The following ANO3 variants were observed in gnomAD, a reference collection of about 807,000 sequenced individuals.
The protein encoded by ANO3 is anoctamin-3.
ANO3 carries 99 observed loss-of-function variants against 144.8 expected under a neutral mutation model. The ratio of observed to expected loss-of-function variants is 0.68; its 90% CI spans 0.58 to 0.81. ANO3 has a LOEUF of 0.81. Among genes scored for constraint, ANO3 ranks in the 30% least tolerant of loss-of-function variants. The pLI is 0.00. For synonymous variants in ANO3, 414 were observed against 392.6 expected, an observed-to-expected ratio of 1.05 and a Z score of -0.64; for missense variants, 905 against 1,202.2, an observed-to-expected ratio of 0.75 and a Z score of 3.66.
chr11:26,367,096 A>G (rs546245786), intron 1 of ANO3, among the ~76,000 whole-genome samples: 3 of 152,344 alleles, frequency 2.0e-5, no homozygotes. Context: ...CACCTTATAC[A>G]AAAATTAATT....
chr11:26,633,481 C>G (rs567354603), intron 18 of ANO3, among the ~76,000 whole-genome samples: 1 of 152,258 alleles, frequency 6.6e-6, no homozygotes, highest in Admixed American at 6.5e-5. Flanking sequence ...CTTTGCCATT[C>G]CACTTCCGTC....
At chr11:26,479,671 G>A (rs1015952997) in intron 4 of ANO3, among the ~76,000 whole-genome samples, 2 of 152,142 alleles carry the variant, frequency 1.3e-5, no homozygotes, top group East Asian at 3.9e-4. Context: ...TACAATTCAA[G>A]ATGAGATTCA....
intron 4 of ANO3, among the ~76,000 whole-genome samples, chr11:26,474,438 C>A (rs1859887736): frequency 6.6e-6 from 1 of 151,672 alleles, no homozygotes; most frequent in South Asian, 2.1e-4. Context: ...TATTCAAAAA[C>A]ATAAAATATA....
intron 7 of ANO3, among the ~76,000 whole-genome samples, chr11:26,526,929 T>G (rs1410948169): frequency 1.3e-5 from 2 of 152,144 alleles, no homozygotes; most frequent in Non-Finnish European, 2.9e-5. Context: ...ATTTGCAAGT[T>G]TACAACTGCA....
At chr11:26,572,382 A>G (rs2134292978) in intron 14 of ANO3, 1 of 340,260 alleles carries the variant, frequency 2.9e-6, no homozygotes, top group South Asian at 1.2e-4. Flanking sequence ...GTAGCAAAAC[A>G]CGGGTCATCA....
intron 14 of ANO3, 102 bp from the exon 15 acceptor site, chr11:26,598,263 T>C (rs1445619596): frequency 3.0e-5 from 15 of 502,764 alleles, no homozygotes; most frequent in Non-Finnish European, 4.8e-5. Context: ...ATTTATTATT[T>C]TCATAATTTA....
intron 14 of ANO3, among the ~76,000 whole-genome samples, chr11:26,561,782 T>G (rs1056563191): frequency 6.6e-6 from 1 of 152,004 alleles, no homozygotes; most frequent in African/African-American, 2.4e-5. Flanking sequence ...ATGTGGAAAT[T>G]TAGTTTTCTT....
intron 1 of ANO3, among the ~76,000 whole-genome samples, chr11:26,214,907 T>C (rs948709158): frequency 5.9e-5 from 9 of 152,000 alleles, no homozygotes; most frequent in Admixed American, 5.9e-4. Flanking sequence ...CTTAACAGTT[T>C]TGAGTACAGG....
At position 26,463,158 on chromosome 11, in the gene ANO3, A is replaced by G. The variant is rs1282878061; in HGVS notation, c.432+10A>G. ...GACAAAATTATCTAAGGTAATGAGA[A>G]CTAAATTATCAATAAGTCATTTTTA... On this transcript the variant is annotated intron_variant, in intron 4 of 26. Coordinates refer to ENST00000256737, the MANE Select transcript of ANO3 (RefSeq NM_031418.4). The G allele has an allele frequency of 7.3e-7, 1 of 1,364,810 alleles. No homozygotes were observed. The allele number at this position is 1,364,810 out of a possible 1,614,324, so 84.5% of individuals were successfully genotyped here.
intron 1 of ANO3, among the ~76,000 whole-genome samples, chr11:26,248,097 TG>T (rs1210376605): frequency 1.3e-5 from 2 of 151,490 alleles, no homozygotes; most frequent in African/African-American, 4.8e-5. Flanking sequence ...TTCAGCATGT[TG>T]GGAGGCCCAG....
At chr11:26,392,307 T>G (rs899030818) in intron 1 of ANO3, among the ~76,000 whole-genome samples, 5 of 150,994 alleles carry the variant, frequency 3.3e-5, no homozygotes, top group African/African-American at 1.2e-4. Context: ...GAGAGTAACA[T>G]TTTTACACTG....
At chr11:26,490,773 T>A (rs952308413) in intron 4 of ANO3, among the ~76,000 whole-genome samples, 39 of 152,232 alleles carry the variant, frequency 2.6e-4, no homozygotes, top group African/African-American at 9.2e-4. Flanking sequence ...CATTTCACGC[T>A]TTAAGTTTAA....
At chr11:26,438,964 T>C (rs1323947093) in intron 1 of ANO3, among the ~76,000 whole-genome samples, 1 of 152,124 alleles carries the variant, frequency 6.6e-6, no homozygotes, top group African/African-American at 2.4e-5. Context: ...CTAAAGACGT[T>C]GTGGTTTTGG....
At chr11:26,625,116 G>A (rs966738760) in intron 18 of ANO3, among the ~76,000 whole-genome samples, 1 of 151,978 alleles carries the variant, frequency 6.6e-6, no homozygotes, top group African/African-American at 2.4e-5. Context: ...TAGTAGAGAC[G>A]GGGTTTCACC....
chr11:26,373,471 T>C (rs1461370), intron 1 of ANO3, among the ~76,000 whole-genome samples: 82,279 of 152,122 alleles, frequency 0.54, 23,309 homozygotes, highest in East Asian at 0.68. Context: ...TCCCCAGCCA[T>C]GTGAAACTGT....
At chr11:26,191,661 T>C (rs1851480791) in intron 1 of ANO3, among the ~76,000 whole-genome samples, 1 of 152,226 alleles carries the variant, frequency 6.6e-6, no homozygotes, top group Admixed American at 6.5e-5. Context: ...CCTACACATA[T>C]TCCACAAGTA....
intron 6 of ANO3, among the ~76,000 whole-genome samples, chr11:26,522,196 C>T (rs1862107769): frequency 6.7e-6 from 1 of 148,662 alleles, no homozygotes; most frequent in African/African-American, 2.5e-5. Flanking sequence ...AACAAACAAA[C>T]AGCAACAACA....
chr11:26,339,244 T>C (rs1855286108), intron 1 of ANO3, among the ~76,000 whole-genome samples: 1 of 151,798 alleles, frequency 6.6e-6, no homozygotes, highest in South Asian at 2.1e-4. Flanking sequence ...AACCTCTGCC[T>C]CCCGAGTTCA....
At chr11:26,253,225 G>T (rs3108824) in intron 1 of ANO3, among the ~76,000 whole-genome samples, 2 of 152,196 alleles carry the variant, frequency 1.3e-5, no homozygotes, top group Admixed American at 1.3e-4. Context: ...GCTAAAATAT[G>T]AAAAGAATGA....
Sources: gnomAD v4.1 joint callset for allele counts (sites outside exome capture counted in the v4.1 genomes callset) on GRCh38, gnomAD v4.1.1 for gene constraint, MANE v1.5 for transcripts, NCBI Gene and HGNC (gene_info 2026-07-23, HGNC 2026-07-21) for gene names.